The following TASOR variants were observed in gnomAD, a reference collection of about 807,000 sequenced individuals.
TASOR encodes protein TASOR.
In TASOR, 53 loss-of-function variants were observed where a neutral mutation model predicts 178.6. The observed-to-expected ratio is 0.30, with a 90% CI of 0.24 to 0.37. The LOEUF (loss-of-function observed/expected upper bound fraction) is 0.37. Among genes scored for constraint, TASOR ranks in the 10% least tolerant of loss-of-function variants. TASOR has a pLI of 1.00. For synonymous variants in TASOR, 713 were observed against 696.2 expected (o/e 1.02, Z -0.38); for missense variants, 1,815 against 1,971.4 (o/e 0.92, Z 1.50).
chr3:56,647,597 T>C (rs1224924712), intron 13 of TASOR, among the ~76,000 whole-genome samples: 1 of 152,214 alleles, frequency 6.6e-6, no homozygotes, highest in Non-Finnish European at 1.5e-5. Context: ...AAAACAGTCC[T>C]GCATGTCATC....
At chr3:56,638,328 T>G (rs971069896) in intron 17 of TASOR, among the ~76,000 whole-genome samples, 1 of 152,158 alleles carries the variant, frequency 6.6e-6, no homozygotes, top group Non-Finnish European at 1.5e-5. Flanking sequence ...GTCACGCCAC[T>G]GCACTCCAGC....
chr3:56,656,716 A>C (rs1281120362), intron 11 of TASOR, among the ~76,000 whole-genome samples: 1 of 151,958 alleles, frequency 6.6e-6, no homozygotes, highest in Non-Finnish European at 1.5e-5. Flanking sequence ...AAACTCTATT[A>C]AAAGAATACA....
intron 9 of TASOR, 37 bp from the exon 10 acceptor site, chr3:56,661,054 G>T: frequency 7.1e-7 from 1 of 1,414,472 alleles, no homozygotes; most frequent in Non-Finnish European, 9.8e-7. Flanking sequence ...TGCCTTATCT[G>T]TATTTTCAAC....
chr3:56,656,468 G>C (rs2077470798), intron 11 of TASOR, among the ~76,000 whole-genome samples: 1 of 152,056 alleles, frequency 6.6e-6, no homozygotes, highest in African/African-American at 2.4e-5. Context: ...TTGCACGCCT[G>C]TAGTCCCAGC....
At position 56,667,638 on chromosome 3, in the gene TASOR, C is replaced by T. The variant is rs1826119; in HGVS notation, c.897+759G>A. ...CACCACCACACTCCAGACTGGACAA[C>T]AGAGCGAGACTCCGTCTCAAAACAA... On this transcript the variant is annotated intron_variant, in intron 6 of 23. Coordinates refer to ENST00000683822, the MANE Select transcript of TASOR (RefSeq NM_001365635.2). 1.2e-3 allele frequency among the ~76,000 whole-genome samples: 184 copies of T among 152,314 alleles called. 2 individuals carry two copies. Among genetic ancestry groups the T allele is most frequent in the Non-Finnish European group, 1.9e-3 (126 of 68,020 alleles).
rs2076328481 is a variant in TASOR, at chr3:56,620,616, T to C, written c.*2421A>G. On this transcript the variant is annotated 3_prime_UTR_variant, in exon 24 of 24. Transcript: ENST00000683822. The stretch of plus-strand genomic sequence containing the variant: ...TTTTTCCCTCTACAGAACTAGAAAA[T>C]TGTCCCCCCACTTTGGTCTATTTAC... 1.3e-5 allele frequency: 2 copies of C among 152,164 alleles called. No homozygotes were observed. Among genetic ancestry groups the C allele is most frequent in the East Asian group, 1.9e-4 (1 of 5,200 alleles). The allele number at this position is 152,164 out of a possible 1,614,324, so 9.4% of individuals were successfully genotyped here.
chr3:56,627,213 AG>A (rs1425756332), intron 20 of TASOR, 68 bp from the exon 21 acceptor site: 1 of 969,914 alleles, frequency 1.0e-6, no homozygotes, highest in Non-Finnish European at 1.6e-6. Context: ...TTATGAAAGA[AG>A]TGTTTTTTCA....
intron 11 of TASOR, among the ~76,000 whole-genome samples, chr3:56,656,738 G>A (rs551644478): frequency 2.0e-5 from 3 of 151,474 alleles, no homozygotes; most frequent in Admixed American, 6.6e-5. Context: ...TAGGCTGGGC[G>A]CAGTGGCTCA....
chr3:56,653,475 T>C lies in TASOR; in HGVS notation c.1369-4418A>G, dbSNP rs190342503. Among the ~76,000 whole-genome samples the C allele has an allele frequency of 2.0e-3, 297 of 147,904 alleles. 3 individuals are homozygous for C. The highest frequency in any genetic ancestry group is 7.1e-3 in the African/African-American group (287 of 40,560). ...CCAAAAAAAAAAAAGATTTAAAAAGTAGCCAGGGGGCGGCAGGGGACCTAC... is the reference window on the plus strand; with the variant it reads ...CCAAAAAAAAAAAAGATTTAAAAAGCAGCCAGGGGGCGGCAGGGGACCTAC... On this transcript the variant is annotated intron_variant, in intron 11 of 23. Coordinates refer to ENST00000683822, the MANE Select transcript of TASOR (RefSeq NM_001365635.2).
At chr3:56,664,487 C>G (rs1466462346) in intron 7 of TASOR, among the ~76,000 whole-genome samples, 1 of 152,152 alleles carries the variant, frequency 6.6e-6, no homozygotes, top group African/African-American at 2.4e-5. Flanking sequence ...TCAATTGGTA[C>G]CTGTGGCTAT....
At chr3:56,623,937 A>G in intron 23 of TASOR, 1 of 943,796 alleles carries the variant, frequency 1.1e-6, no homozygotes. Flanking sequence ...CTAGTTGGTT[A>G]GCACTAAATG....
intron 21 of TASOR, among the ~76,000 whole-genome samples, 176 bp downstream of exon 21, chr3:56,626,861 G>A (rs1378082334): frequency 4.1e-5 from 6 of 145,468 alleles, no homozygotes; most frequent in Non-Finnish European, 8.9e-5. Flanking sequence ...AACTTCTACT[G>A]AAAAATACTG....
rs2077544311 is a variant in TASOR at position 56,659,329 on chromosome 3, C to G, written c.1368+1402G>C. 2.6e-5 allele frequency among the ~76,000 whole-genome samples: 4 copies of G among 152,158 alleles called. No individual in the cohort carries two copies. In the South Asian group the frequency reaches 8.3e-4, roughly 31 times the overall value. On this transcript the variant is annotated intron_variant, in intron 11 of 23. Coordinates refer to ENST00000683822, the MANE Select transcript of TASOR (RefSeq NM_001365635.2). ...TATCCCTCTTTCTTGGAACTTACGA[C>G]CACCATTTAGCAAGACAAAAAGAAA...
At chr3:56,671,757 T>G (rs960176938) in intron 2 of TASOR, 65 bp from the exon 3 acceptor site, 9 of 1,292,982 alleles carry the variant, frequency 7.0e-6, no homozygotes, top group Middle Eastern at 2.6e-4. Context: ...CTACAAGTTT[T>G]ATTTTTTTTT....
At position 56,624,897 on chromosome 3, in the gene TASOR, G is replaced by C; in HGVS notation, c.4249C>G (p.Pro1417Ala). The change falls in exon 22 of 24, where the codon CCA becomes GCA. Residue 1417 changes from proline (P) to alanine (A), a missense_variant. This residue lies in a region of TASOR where 134 missense variants were observed against 195.2 expected (regional missense o/e 0.69). Coordinates refer to ENST00000683822, the MANE Select transcript of TASOR (RefSeq NM_001365635.2). ...HNCDSQTRNA[P>A]ELDCLIRLQA... is the part of the protein sequence containing the mutation. ...AGTCTGATAAGGCAATCCAATTCTG[G>C]AGCATTTCGAGTTTGTGAATCACAA... The C allele has an allele frequency of 6.2e-7, 1 of 1,614,132 alleles. No homozygotes were observed. Among genetic ancestry groups the C allele is most frequent in the Non-Finnish European group, 8.5e-7 (1 of 1,180,012 alleles).
At chr3:56,672,399 G>C (rs2030827250) in intron 2 of TASOR, among the ~76,000 whole-genome samples, 1 of 151,988 alleles carries the variant, frequency 6.6e-6, no homozygotes, top group Non-Finnish European at 1.5e-5. Context: ...ATTTTCTCTG[G>C]GATTCAGTGC....
chr3:56,663,364 TAGC>T (rs1290990728), intron 8 of TASOR, among the ~76,000 whole-genome samples, 174 bp downstream of exon 8: 19 of 152,208 alleles, frequency 1.2e-4, no homozygotes, highest in African/African-American at 4.6e-4. Context: ...CTATTCACAG[TAGC>T]AGATTTTCAA....
chr3:56,647,025 C>T lies in TASOR; in HGVS notation c.1712G>A (p.Arg571Gln), dbSNP rs1351504054. 6.9e-6 allele frequency: 11 copies of T among 1,602,896 alleles called. No homozygotes were observed. Among genetic ancestry groups the T allele is most frequent in the African/African-American group, 2.7e-5 (2 of 74,050 alleles). Residue 571 changes from arginine (R) to glutamine (Q), a missense_variant, in exon 14 of 24, where the codon CGA becomes CAA. Coordinates refer to ENST00000683822, the MANE Select transcript of TASOR (RefSeq NM_001365635.2). ...ATCATATGGAAACATAATAAACTCT[C>T]GTTTACCTGAACCAAAACCTCGCTT... ...FFKRGFGSGKREFIMFPYDSR... is the reference protein window; with the variant it reads ...FFKRGFGSGKQEFIMFPYDSR...
intron 2 of TASOR, 126 bp downstream of exon 2, chr3:56,673,454 A>C (rs891578490): frequency 1.9e-5 from 13 of 687,748 alleles, no homozygotes; most frequent in Admixed American, 7.8e-5. Flanking sequence ...AAAAAAAAAA[A>C]AAAACTTGTT....
Sources: gnomAD v4.1 joint callset for allele counts (sites outside exome capture counted in the v4.1 genomes callset) on GRCh38, gnomAD v4.1.1 for gene constraint, gnomAD v4.1.1 regional missense constraint, MANE v1.5 for transcripts, NCBI Gene and HGNC (gene_info 2026-07-23, HGNC 2026-07-21) for gene names.